GBE1: variants seen among roughly 807,000 people sequenced by gnomAD.
GBE1 encodes the protein 1,4-alpha-glucan-branching enzyme.
A neutral mutation model predicts 88.8 loss-of-function variants in GBE1; 70 were observed. The observed-to-expected ratio is 0.79, with a 90% confidence interval of 0.65 to 0.96. The LOEUF (loss-of-function observed/expected upper bound fraction) is 0.96. Ranked by LOEUF, GBE1 falls within the 40% of genes least tolerant of loss-of-function variation. The pLI, the probability that GBE1 is intolerant of heterozygous loss-of-function variation, is 0.00. For synonymous variants in GBE1, 284 were observed against 300.1 expected (o/e 0.95, Z 0.56); for missense variants, 872 against 871.0 (o/e 1.00, Z -0.01).
intron 12 of GBE1, among the ~76,000 whole-genome samples, chr3:81,567,350 C>A (rs888972228): frequency 2.0e-5 from 3 of 152,156 alleles, no homozygotes; most frequent in African/African-American, 7.2e-5. Context: ...GGATCCTGGA[C>A]TTTCTTTTCT....
chr3:81,723,259 TTG>T (rs71108338), intron 1 of GBE1, among the ~76,000 whole-genome samples: 38,850 of 142,976 alleles, frequency 0.27, 4,490 homozygotes, highest in East Asian at 0.37. Flanking sequence ...AAAAGTTGTT[TTG>T]TTTTTTTTTT....
chr3:81,658,165 C>T (rs1378375191), intron 3 of GBE1, among the ~76,000 whole-genome samples: 1 of 151,908 alleles, frequency 6.6e-6, no homozygotes, highest in Non-Finnish European at 1.5e-5. Context: ...TCCATAGCAA[C>T]AGCTTGAATA....
At chr3:81,647,922 T>C (rs1348081365) in intron 5 of GBE1, among the ~76,000 whole-genome samples, 2 of 152,160 alleles carry the variant, frequency 1.3e-5, no homozygotes, top group Non-Finnish European at 2.9e-5. Flanking sequence ...AGAATCCTTG[T>C]GCTGCTGAAC....
intron 14 of GBE1, among the ~76,000 whole-genome samples, chr3:81,510,862 T>C (rs1396535619): frequency 5.3e-5 from 8 of 152,084 alleles, no homozygotes; most frequent in Non-Finnish European, 1.0e-4. Context: ...CAGTTAATAA[T>C]GTGTTATATA....
At chr3:81,546,972 C>A (rs62265417) in intron 12 of GBE1, among the ~76,000 whole-genome samples, 12,963 of 151,158 alleles carry the variant, frequency 0.086, 1,151 homozygotes, top group East Asian at 0.2. Flanking sequence ...ACTAAGGAAA[C>A]TCCTGACCCA....
At position 81,594,861 on chromosome 3, in the gene GBE1, T is replaced by A. The variant is rs538975470; in HGVS notation, c.993-838A>T. On this transcript the variant is annotated intron_variant, in intron 7 of 15. Transcript: ENST00000429644. The stretch of plus-strand genomic sequence containing the variant: ...CATATAGTTATGGTTGAGTTCTCTA[T>A]CTTATTATAACTGTGGTTTTAAGAC... 1.5e-4 allele frequency among the ~76,000 whole-genome samples: 23 copies of A among 152,060 alleles called. No individual in the cohort carries two copies. The South Asian group carries it at 3.1e-3, about 21-fold the overall frequency.
intron 8 of GBE1, among the ~76,000 whole-genome samples, chr3:81,591,708 G>A (rs1337364435): frequency 3.3e-5 from 5 of 151,796 alleles, no homozygotes; most frequent in African/African-American, 1.2e-4. Context: ...TCCTAACTTT[G>A]GTTGGTTATA....
Position 81,559,460 on chromosome 3 carries a change from A to ATT in GBE1, c.1618+18463_1618+18464dup, listed in dbSNP as rs71633683. Among the ~76,000 whole-genome samples, 41 of 151,364 alleles carry ATT rather than the reference A, an allele frequency of 2.7e-4. 1 individual carries two copies. The South Asian group carries it at 6.9e-3, about 25-fold the overall frequency. On this transcript the variant is annotated intron_variant, in intron 12 of 15. Transcript: ENST00000429644. ...TTACCCTGCAGAAGCCTCTTCAGCC[A>ATT]TTTTTTTTCCAAATTGTACCCACCC...
intron 15 of GBE1, among the ~76,000 whole-genome samples, chr3:81,490,745 A>C (rs1180946087): frequency 6.6e-6 from 1 of 152,112 alleles, no homozygotes; most frequent in Non-Finnish European, 1.5e-5. Context: ...TGCCATGTTG[A>C]GGCTGTATTA....
intron 14 of GBE1, among the ~76,000 whole-genome samples, chr3:81,530,941 G>A (rs1182812348): frequency 6.6e-6 from 1 of 151,866 alleles, no homozygotes; most frequent in Non-Finnish European, 1.5e-5. Flanking sequence ...GGTAGGTCTA[G>A]GAATGCCATG....
chr3:81,520,614 T>G (rs989299990), intron 14 of GBE1, among the ~76,000 whole-genome samples: 1 of 151,606 alleles, frequency 6.6e-6, no homozygotes, highest in Admixed American at 6.6e-5. Flanking sequence ...TTATGTTTCT[T>G]TCTTTACAGC....
In GBE1 at chr3:81,490,621, C is replaced by T. The variant is rs78358930; in HGVS notation, c.2053-158G>A. Among the ~76,000 whole-genome samples the T allele has an allele frequency of 2.1e-4, 32 of 152,146 alleles. 1 individual carries two copies. In the East Asian group the frequency reaches 6.0e-3, roughly 29 times the overall value. ...CTTAGAAGGCTCAATTTCACAGTTCCAACAGTTCTGGCAGCAACATGACTA... is the reference window on the plus strand; with the variant it reads ...CTTAGAAGGCTCAATTTCACAGTTCTAACAGTTCTGGCAGCAACATGACTA... On this transcript the variant is annotated intron_variant, in intron 15 of 15. Coordinates refer to ENST00000429644, the MANE Select transcript of GBE1 (RefSeq NM_000158.4).
At chr3:81,590,936 G>T in intron 9 of GBE1, 101 bp downstream of exon 9, 1 of 992,600 alleles carries the variant, frequency 1.0e-6, no homozygotes, top group Non-Finnish European at 1.4e-6. Flanking sequence ...TTTCATTTAC[G>T]CAATTATTGA....
intron 7 of GBE1, among the ~76,000 whole-genome samples, chr3:81,605,407 A>C (rs955257633): frequency 4.6e-5 from 7 of 152,208 alleles, no homozygotes; most frequent in African/African-American, 1.7e-4. Context: ...AGAAATGGCC[A>C]AGTGTCACCA....
intron 1 of GBE1, among the ~76,000 whole-genome samples, chr3:81,755,993 T>C (rs1334170298): frequency 6.6e-6 from 1 of 152,174 alleles, no homozygotes; most frequent in East Asian, 1.9e-4. Context: ...AATTACTTTC[T>C]AATTTTAATA....
At chr3:81,750,652 T>C (rs1193860366) in intron 1 of GBE1, among the ~76,000 whole-genome samples, 1 of 62,894 alleles carries the variant, frequency 1.6e-5, no homozygotes, top group Non-Finnish European at 2.6e-5. Context: ...TATGTATATA[T>C]ATATATGTAT....
intron 12 of GBE1, among the ~76,000 whole-genome samples, chr3:81,567,393 A>G (rs1703508133): frequency 6.6e-6 from 1 of 152,150 alleles, no homozygotes; most frequent in South Asian, 2.1e-4. Context: ...GCAGGAGCTG[A>G]CCTCATTAGT....
chr3:81,696,803 T>C (rs1218353810), intron 2 of GBE1, among the ~76,000 whole-genome samples: 1 of 152,174 alleles, frequency 6.6e-6, no homozygotes, highest in Non-Finnish European at 1.5e-5. Flanking sequence ...AAAAGCAATA[T>C]GAGGCTAGGA....
At chr3:81,718,584 T>C (rs1285752525) in intron 1 of GBE1, among the ~76,000 whole-genome samples, 1 of 152,164 alleles carries the variant, frequency 6.6e-6, no homozygotes, top group Non-Finnish European at 1.5e-5. Context: ...CTCCAAAGCA[T>C]TGGTCCTTGA....
Sources: allele counts gnomAD v4.1 joint callset (sites outside exome capture counted in the v4.1 genomes callset), GRCh38; gene constraint gnomAD v4.1.1; transcripts MANE v1.5; gene names NCBI Gene and HGNC (gene_info 2026-07-23, HGNC 2026-07-21).